The following OPHN1 variants were observed in gnomAD, a reference collection of about 807,000 sequenced individuals.
OPHN1 encodes the protein oligophrenin 1.
Under a neutral mutation model 60.7 loss-of-function variants are expected in OPHN1, and 11 were observed. The observed-to-expected ratio is 0.18, with a 90% CI of 0.11 to 0.30. The LOEUF (loss-of-function observed/expected upper bound fraction) is 0.30, where lower values mean the gene tolerates loss of function less well. Among genes scored for constraint, OPHN1 ranks in the 10% least tolerant of loss-of-function variants. The pLI is 1.00. For missense variants in OPHN1, 449 were observed against 611.0 expected, an observed-to-expected ratio of 0.73 and a Z score of 2.80; for synonymous variants, 226 against 222.6, an observed-to-expected ratio of 1.02 and a Z score of -0.14.
At chrX:68,321,683 T>C (rs1005246813) in intron 2 of OPHN1, among the ~76,000 whole-genome samples, 1 of 111,880 alleles carries the variant, frequency 8.9e-6, no homozygotes, top group Non-Finnish European at 1.9e-5. Context: ...ATCCCAGCAC[T>C]TTGGGAGGCC....
chrX:68,180,489 A>G, intron 15 of OPHN1, among the ~76,000 whole-genome samples: 1 of 112,011 alleles, frequency 8.9e-6, no homozygotes, highest in Non-Finnish European at 1.9e-5. Context: ...TATGGCTACT[A>G]AGTTGTGTGA....
At chrX:68,057,310 T>C (rs1462888957) in intron 21 of OPHN1, among the ~76,000 whole-genome samples, 1 of 112,015 alleles carries the variant, frequency 8.9e-6, no homozygotes, top group Non-Finnish European at 1.9e-5. Flanking sequence ...AGTGATGCTA[T>C]GTGCAGCCAA....
chrX:68,333,255 AAATAATAAT>A (rs541199386), intron 2 of OPHN1, among the ~76,000 whole-genome samples: 2 of 108,097 alleles, frequency 1.9e-5, no homozygotes, highest in Non-Finnish European at 3.8e-5. Context: ...CCATCTCTAC[AAATAATAAT>A]AATAATAATA....
At chrX:68,378,096 T>C (rs1208653532) in intron 2 of OPHN1, among the ~76,000 whole-genome samples, 2 of 111,857 alleles carry the variant, frequency 1.8e-5, no homozygotes, top group African/African-American at 3.2e-5. Flanking sequence ...GCATCTGCTG[T>C]TTCCTGACTT....
chrX:68,266,538 T>C (rs948424627), intron 5 of OPHN1, among the ~76,000 whole-genome samples: 2 of 111,059 alleles, frequency 1.8e-5, no homozygotes, highest in African/African-American at 6.6e-5. Flanking sequence ...GCACTAAACA[T>C]GGAAAGGAAC....
chrX:68,110,061 A>G (rs1362990488), intron 18 of OPHN1, among the ~76,000 whole-genome samples: 7 of 110,928 alleles, frequency 6.3e-5, no homozygotes, highest in African/African-American at 2.3e-4. Context: ...GCTGGGTCAA[A>G]GGATAACTGA....
intron 12 of OPHN1, among the ~76,000 whole-genome samples, chrX:68,196,295 G>C (rs2090608277): frequency 8.9e-6 from 1 of 112,200 alleles, no homozygotes; most frequent in East Asian, 2.8e-4. Flanking sequence ...TAGGAGTTTT[G>C]TATCCCATCA....
intron 6 of OPHN1, among the ~76,000 whole-genome samples, chrX:68,222,069 A>G (rs1206005532): frequency 9.3e-6 from 1 of 108,006 alleles, no homozygotes; most frequent in African/African-American, 3.4e-5. Flanking sequence ...AATGAACTCA[A>G]ACAAATTTAC....
chrX:68,298,908 A>C, intron 3 of OPHN1, 93 bp downstream of exon 3: 1 of 532,296 alleles, frequency 1.9e-6, no homozygotes, highest in East Asian at 4.5e-5. Context: ...GTGGATGAAG[A>C]TGTCCAAGTG....
chrX:68,124,264 TAA>T (rs2077161067), intron 15 of OPHN1, among the ~76,000 whole-genome samples: 1 of 111,074 alleles, frequency 9.0e-6, no homozygotes, highest in Non-Finnish European at 1.9e-5. Flanking sequence ...TATTCTAGAA[TAA>T]AAGTTTTTTT....
At chrX:68,320,809 T>G (rs1047798848) in intron 2 of OPHN1, among the ~76,000 whole-genome samples, 1 of 111,793 alleles carries the variant, frequency 8.9e-6, no homozygotes, top group Admixed American at 9.5e-5. Flanking sequence ...CTGACCAGAT[T>G]CAAGTTGGGG....
chrX:68,403,652 C>G (rs2078726251), intron 2 of OPHN1, among the ~76,000 whole-genome samples: 1 of 110,283 alleles, frequency 9.1e-6, no homozygotes, highest in African/African-American at 3.3e-5. Context: ...ATAAACGTCC[C>G]TATCATAGAC....
intron 19 of OPHN1, among the ~76,000 whole-genome samples, chrX:68,085,211 C>A (rs766721078): frequency 8.9e-6 from 1 of 112,153 alleles, no homozygotes; most frequent in South Asian, 3.8e-4. Context: ...ACTCTGGTTT[C>A]TTTGCTGTTC....
chrX:68,186,657 C>T (rs889520669), intron 15 of OPHN1, among the ~76,000 whole-genome samples: 3 of 111,359 alleles, frequency 2.7e-5, no homozygotes, highest in African/African-American at 9.8e-5. Flanking sequence ...TTACCAGAGA[C>T]TGAGTGGCTT....
chrX:68,369,340 C>T (rs765818625), intron 2 of OPHN1, among the ~76,000 whole-genome samples: 49 of 111,521 alleles, frequency 4.4e-4, no homozygotes, highest in Non-Finnish European at 6.4e-4. Context: ...ACAACAACAA[C>T]CACAGAAAAA....
intron 15 of OPHN1, among the ~76,000 whole-genome samples, chrX:68,131,190 T>TTTATTTA (rs767788758): frequency 2.0e-5 from 2 of 98,483 alleles, no homozygotes; most frequent in African/African-American, 3.9e-5. Context: ...CAAAGAACAC[T>TTTATTTA]TTTATTTATT....
In OPHN1 at chrX:68,197,183, T is replaced by C. The variant is rs1465550969; in HGVS notation, c.1104+3A>G. ...GAGGTTTCCCCAGTGTCAGGTAACT[T>C]ACAGGTTCTTTCCCATCCATGGCTT... On this transcript the variant is annotated splice_donor_region_variant and intron_variant, in intron 12 of 24. Coordinates refer to ENST00000355520, the MANE Select transcript of OPHN1 (RefSeq NM_002547.3). The C allele has an allele frequency of 2.5e-6, 3 of 1,202,752 alleles. No individual in the cohort carries two copies. Among genetic ancestry groups the C allele is most frequent in the South Asian group, 3.5e-5 (2 of 56,725 alleles).
At position 68,193,012 on chromosome X, in the gene OPHN1, A is replaced by T. The variant is rs1479569795; in HGVS notation, c.1202-19T>A. ...TTGATCCCTAGTGGAGGAAAAAATC[A>T]GGTTAATTTCACTTGTATAGCTAGA... On this transcript the variant is annotated intron_variant, in intron 14 of 24. Coordinates refer to ENST00000355520, the MANE Select transcript of OPHN1 (RefSeq NM_002547.3). 1.7e-6 allele frequency: 2 copies of T among 1,169,999 alleles called. No homozygotes were observed. Among genetic ancestry groups the T allele is most frequent in the Non-Finnish European group, 2.3e-6 (2 of 857,476 alleles).
Position 68,397,358 on chromosome X carries a change from A to G in OPHN1, c.154+35509T>C, listed in dbSNP as rs140739377. Among the ~76,000 whole-genome samples the G allele has an allele frequency of 4.3e-4, 47 of 108,745 alleles. 2 individuals carry two copies. In the East Asian group the frequency reaches 0.012, roughly 27 times the overall value. 94.4% of individuals were successfully genotyped at this position (108,745 alleles called of 115,157 possible). ...TCGGAGAACATCATTAACTTTTTCA[A>G]TTGCAACTCTGCAAGTTTCCCAGGT... On this transcript the variant is annotated intron_variant, in intron 2 of 24. Coordinates refer to ENST00000355520, the MANE Select transcript of OPHN1 (RefSeq NM_002547.3).
Sources: allele counts gnomAD v4.1 joint callset (sites outside exome capture counted in the v4.1 genomes callset), GRCh38; gene constraint gnomAD v4.1.1; transcripts MANE v1.5; gene names NCBI Gene and HGNC (gene_info 2026-07-23, HGNC 2026-07-21).